PRKG1: variants seen among roughly 807,000 people sequenced by gnomAD.
PRKG1 encodes protein kinase cGMP-dependent 1, also known as cGMP-dependent protein kinase 1.
In PRKG1, 35 loss-of-function variants were observed where a neutral mutation model predicts 88.1. That is an observed-to-expected ratio of 0.40 (90% CI 0.30 to 0.53). The LOEUF (loss-of-function observed/expected upper bound fraction) is 0.53. PRKG1 is among the 20% of genes least tolerant of loss of function. PRKG1 has a pLI of 0.59. For missense variants in PRKG1, 540 were observed against 839.8 expected, an observed-to-expected ratio of 0.64 and a Z score of 4.41; for synonymous variants, 303 against 292.5, an observed-to-expected ratio of 1.04 and a Z score of -0.37.
chr10:51,027,757 CA>C (rs2132742238), intron 1 of PRKG1, among the ~76,000 whole-genome samples: 2 of 152,238 alleles, frequency 1.3e-5, no homozygotes, highest in African/African-American at 4.8e-5. Flanking sequence ...TTAACAAGAT[CA>C]AAATGGTGCT....
intron 5 of PRKG1, among the ~76,000 whole-genome samples, chr10:51,979,800 C>A (rs1843959138): frequency 6.6e-6 from 1 of 151,736 alleles, no homozygotes; most frequent in Admixed American, 6.6e-5. Flanking sequence ...TCATAATATT[C>A]TTTGATATTT....
chr10:52,085,532 C>T (rs1184480897), intron 7 of PRKG1, among the ~76,000 whole-genome samples: 1 of 151,852 alleles, frequency 6.6e-6, no homozygotes, highest in Non-Finnish European at 1.5e-5. Flanking sequence ...TTGACATGCC[C>T]ACATCATTTT....
chr10:52,273,440 G>A (rs909065352), intron 12 of PRKG1, among the ~76,000 whole-genome samples: 1 of 151,864 alleles, frequency 6.6e-6, no homozygotes, highest in African/African-American at 2.4e-5. Context: ...TTAGCTATAG[G>A]TAGCCCTGAT....
intron 12 of PRKG1, among the ~76,000 whole-genome samples, chr10:52,276,189 C>G (rs1841869586): frequency 6.6e-6 from 1 of 152,100 alleles, no homozygotes; most frequent in African/African-American, 2.4e-5. Flanking sequence ...TTTCTCTTCT[C>G]TGATTGCTCT....
At chr10:52,214,471 A>T (rs1469965447) in intron 9 of PRKG1, among the ~76,000 whole-genome samples, 3 of 152,222 alleles carry the variant, frequency 2.0e-5, no homozygotes, top group African/African-American at 7.2e-5. Context: ...TACCTATAAG[A>T]TGGAGGTCAT....
At chr10:52,148,686 A>G (rs1179668353) in intron 8 of PRKG1, among the ~76,000 whole-genome samples, 1 of 152,142 alleles carries the variant, frequency 6.6e-6, no homozygotes, top group Admixed American at 6.5e-5. Context: ...GAGTGCCATG[A>G]GCGTCTATTG....
chr10:51,910,644 G>GT (rs1842195897), intron 5 of PRKG1: 1 of 152,132 alleles, frequency 6.6e-6, no homozygotes, highest in Non-Finnish European at 1.5e-5. Flanking sequence ...TTATGTGTCT[G>GT]TTTTTTAGCC....
intron 3 of PRKG1, among the ~76,000 whole-genome samples, chr10:51,664,119 T>C (rs1840367073): frequency 6.6e-6 from 1 of 152,142 alleles, no homozygotes; most frequent in Non-Finnish European, 1.5e-5. Flanking sequence ...GAATACAATT[T>C]ATATTTTCTT....
At chr10:51,764,090 G>A (rs959765160) in intron 3 of PRKG1, among the ~76,000 whole-genome samples, 2 of 152,160 alleles carry the variant, frequency 1.3e-5, no homozygotes, top group South Asian at 4.1e-4. Flanking sequence ...GTTTCAGAGA[G>A]GAACAAACAT....
At chr10:51,038,730 G>A (rs372534305) in intron 1 of PRKG1, among the ~76,000 whole-genome samples, 6 of 152,016 alleles carry the variant, frequency 3.9e-5, no homozygotes, top group East Asian at 3.9e-4. Flanking sequence ...TTCATTTATC[G>A]TTTGATGGGC....
intron 4 of PRKG1, among the ~76,000 whole-genome samples, chr10:51,891,309 T>C (rs1280000347): frequency 6.6e-6 from 1 of 152,158 alleles, no homozygotes; most frequent in African/African-American, 2.4e-5. Context: ...CAGAGTGACC[T>C]TGGAATTCTG....
At chr10:52,281,876 A>C (rs1320333242) in intron 13 of PRKG1, among the ~76,000 whole-genome samples, 1 of 152,132 alleles carries the variant, frequency 6.6e-6, no homozygotes, top group Non-Finnish European at 1.5e-5. Flanking sequence ...TTAGCATAAA[A>C]GAAGAAAAAA....
chr10:52,290,357 T>C lies in PRKG1; in HGVS notation c.1962+67T>C, dbSNP rs543887463. 3.0e-6 allele frequency: 4 copies of C among 1,330,426 alleles called. No homozygotes were observed. The South Asian group carries it at 3.9e-5, about 13-fold the overall frequency. 82.4% of individuals were successfully genotyped at this position (1,330,426 alleles called of 1,614,324 possible). On this transcript the variant is annotated intron_variant, in intron 17 of 17. Coordinates refer to ENST00000373980, the MANE Select transcript of PRKG1 (RefSeq NM_006258.4). The stretch of plus-strand genomic sequence containing the variant: ...TGGTGTTTATGTCAGTCAACAATGA[T>C]CTGTTATTTTTAAAGTTTAATCCTA...
In PRKG1 at chr10:52,161,978, T is replaced by TCCTTTGG. The variant is rs146504019; in HGVS notation, c.1076+19_1076+20insTGGCCTT. ...GCTAAAGCAAAGTAAGTGACTTTTT[T>TCCTTTGG]CCTTAATTTTGATTGCAAAATGATT... On this transcript the variant is annotated intron_variant, in intron 9 of 17. Transcript: ENST00000373980. The TCCTTTGG allele has an allele frequency of 5.6e-3, 9,017 of 1,603,096 alleles. 435 individuals are homozygous for TCCTTTGG. The African/African-American group carries it at 0.11, about 19-fold the overall frequency.
intron 2 of PRKG1, among the ~76,000 whole-genome samples, chr10:51,263,683 TG>T (rs1161852193): frequency 6.6e-6 from 1 of 152,148 alleles, no homozygotes; most frequent in East Asian, 1.9e-4. Flanking sequence ...AGTAGATTGG[TG>T]GTTATTTCAT....
intron 4 of PRKG1, among the ~76,000 whole-genome samples, chr10:51,859,995 TA>T (rs1840829342): frequency 6.6e-6 from 1 of 152,208 alleles, no homozygotes; most frequent in Non-Finnish European, 1.5e-5. Flanking sequence ...GACACCTTTT[TA>T]TTCCTCATTC....
intron 4 of PRKG1, among the ~76,000 whole-genome samples, chr10:51,889,814 A>G (rs1589392273): frequency 6.6e-6 from 1 of 152,128 alleles, no homozygotes; most frequent in East Asian, 1.9e-4. Context: ...GCCAATGATG[A>G]TGAGCATTTT....
intron 3 of PRKG1, among the ~76,000 whole-genome samples, chr10:51,555,718 A>G (rs903757426): frequency 6.6e-6 from 1 of 152,036 alleles, no homozygotes; most frequent in Non-Finnish European, 1.5e-5. Flanking sequence ...CGGAAAGTTT[A>G]GTAAACAGAA....
chr10:51,278,116 G>A (rs1840180276), intron 2 of PRKG1, among the ~76,000 whole-genome samples: 1 of 152,126 alleles, frequency 6.6e-6, no homozygotes, highest in Non-Finnish European at 1.5e-5. Flanking sequence ...TTATCATTTG[G>A]AGATACGTCC....
Sources: allele counts gnomAD v4.1 joint callset (sites outside exome capture counted in the v4.1 genomes callset), GRCh38; gene constraint gnomAD v4.1.1; transcripts MANE v1.5; gene names NCBI Gene and HGNC (gene_info 2026-07-23, HGNC 2026-07-21).